CEP350: variants seen among roughly 807,000 people sequenced by gnomAD.
The protein encoded by CEP350 is centrosomal protein 350, also known as centrosome-associated protein 350.
A neutral mutation model predicts 331.8 loss-of-function variants in CEP350; 126 were observed. The observed-to-expected ratio is 0.38, with a 90% CI of 0.33 to 0.44. CEP350 has a LOEUF of 0.44. CEP350 is among the 20% of genes least tolerant of loss of function. CEP350 has a pLI of 1.00. For synonymous variants in CEP350, 1,200 were observed against 1,259.5 expected (o/e 0.95, Z 1.00); for missense variants, 3,406 against 3,634.6 (o/e 0.94, Z 1.62).
intron 1 of CEP350, among the ~76,000 whole-genome samples, chr1:179,965,619 T>C (rs940777118): frequency 2.2e-5 from 3 of 139,506 alleles, no homozygotes; most frequent in African/African-American, 5.2e-5. Context: ...TCTTTTCTTT[T>C]TTTTTTTTTT....
intron 29 of CEP350, among the ~76,000 whole-genome samples, 180 bp from the exon 30 acceptor site, chr1:180,080,337 C>CT (rs141064781): frequency 2.6e-5 from 4 of 151,924 alleles, no homozygotes; most frequent in Admixed American, 1.3e-4. Context: ...AATTTGTAAC[C>CT]TTTTTTTAAA....
chr1:180,089,801 T>C (rs1474297720), intron 32 of CEP350, among the ~76,000 whole-genome samples: 1 of 152,104 alleles, frequency 6.6e-6, no homozygotes, highest in African/African-American at 2.4e-5. Flanking sequence ...GTTATCAGGG[T>C]TAGAAATATG....
chr1:180,092,925 G>C lies in CEP350; in HGVS notation c.6820G>C (p.Ala2274Pro). ...ATTGAAGAAGAGTAAGATTGAAGAT[G>C]CCTTTTCTAAAGAAGGTAAATCTGA... ...TKLKKSKIEDAFSKEGKSDVL... is the reference protein window; with the variant it reads ...TKLKKSKIEDPFSKEGKSDVL... Residue 2274 changes from alanine (A) to proline (P), a missense_variant, in exon 34 of 38, where the codon GCC becomes CCC. Coordinates refer to ENST00000367607, the MANE Select transcript of CEP350 (RefSeq NM_014810.5). The C allele has an allele frequency of 6.3e-7, 1 of 1,582,676 alleles. No individual in the cohort carries two copies. Among genetic ancestry groups the C allele is most frequent in the Non-Finnish European group, 8.6e-7 (1 of 1,162,458 alleles).
chr1:180,055,798 A>G (rs1014322343), intron 25 of CEP350, among the ~76,000 whole-genome samples: 31 of 152,110 alleles, frequency 2.0e-4, no homozygotes, highest in Admixed American at 1.6e-3. Context: ...CGCCATCCTC[A>G]GCCTCCCAAA....
chr1:180,052,007 A>G (rs1657531025), intron 22 of CEP350, among the ~76,000 whole-genome samples: 1 of 152,238 alleles, frequency 6.6e-6, no homozygotes, highest in African/African-American at 2.4e-5. Flanking sequence ...ACTGGATCAT[A>G]GACATAAGTA....
At chr1:180,023,923 A>G (rs1307469166) in intron 13 of CEP350, among the ~76,000 whole-genome samples, 1 of 152,166 alleles carries the variant, frequency 6.6e-6, no homozygotes, top group Non-Finnish European at 1.5e-5. Flanking sequence ...AAGTATAAAA[A>G]TTATATGAGA....
At chr1:179,966,474 A>G (rs1651021542) in intron 1 of CEP350, among the ~76,000 whole-genome samples, 1 of 152,184 alleles carries the variant, frequency 6.6e-6, no homozygotes, top group African/African-American at 2.4e-5. Flanking sequence ...TCAGGTCTTC[A>G]GAAATTAAGG....
At chr1:180,005,536 C>T (rs1315627893) in intron 7 of CEP350, among the ~76,000 whole-genome samples, 1 of 152,164 alleles carries the variant, frequency 6.6e-6, no homozygotes, top group East Asian at 1.9e-4. Flanking sequence ...CTGGTAGTCT[C>T]CTCACTGGTC....
intron 14 of CEP350, among the ~76,000 whole-genome samples, chr1:180,024,789 G>T (rs1655557597): frequency 6.6e-6 from 1 of 152,000 alleles, no homozygotes; most frequent in South Asian, 2.1e-4. Context: ...CATTTGCAAT[G>T]ATAAAAAATT....
At position 179,996,771 on chromosome 1, in the gene CEP350, C is replaced by T. The variant is rs571535933; in HGVS notation, c.614C>T (p.Ala205Val). 2 of 1,613,004 alleles carry T rather than the reference C, an allele frequency of 1.2e-6. No individual in the cohort carries two copies. Among genetic ancestry groups the T allele is most frequent in the African/African-American group, 2.7e-5 (2 of 75,020 alleles). Residue 205 changes from alanine to valine, a missense_variant, in exon 6 of 38, where the codon GCA (alanine) becomes GTA (valine). Ala to Val is a moderately conservative substitution (Grantham distance 64). Around this residue, in one of 5 missense-constraint regions of CEP350, gnomAD observed 1,857 missense variants for 1,909.2 expected, o/e 0.97. Transcript: ENST00000367607. ...RFLNDRPAIDALQNSECLIRM... is the reference protein window; with the variant it reads ...RFLNDRPAIDVLQNSECLIRM... ...TTAAATGATCGACCAGCAATTGATGCATTGCAAAATTCTGAATGTTTGATT... is the reference window on the plus strand; with the variant it reads ...TTAAATGATCGACCAGCAATTGATGTATTGCAAAATTCTGAATGTTTGATT...
chr1:180,092,981 A>T lies in CEP350; in HGVS notation c.6876A>T (p.Gly2292=). 3 of 1,601,374 alleles carry T rather than the reference A, an allele frequency of 1.9e-6. No homozygotes were observed. The highest frequency in any genetic ancestry group is 2.6e-6 in the Non-Finnish European group (3 of 1,172,794). ...DVLLKLVLEQ[G]DSSEILSKKD... is the part of the protein sequence containing the mutation. ...TACTGAAATTAGTCCTAGAACAGGG[A>T]GATTCATCTGAAATTCTTTCAAAGA... The change falls in exon 34 of 38, where the codon GGA becomes GGT. Residue 2292 remains glycine, a synonymous_variant. Transcript: ENST00000367607.
chr1:180,059,614 G>A (rs1658071188), intron 25 of CEP350, among the ~76,000 whole-genome samples: 1 of 148,970 alleles, frequency 6.7e-6, no homozygotes, highest in Non-Finnish European at 1.5e-5. Flanking sequence ...GCACTTGTTT[G>A]AATTGTGAGC....
intron 1 of CEP350, among the ~76,000 whole-genome samples, chr1:179,962,050 T>C (rs1650668343): frequency 6.6e-6 from 1 of 152,104 alleles, no homozygotes; most frequent in Admixed American, 6.5e-5. Context: ...TTTCACCATG[T>C]TGGCCAGGCT....
At chr1:179,986,388 A>G (rs1194365434) in intron 2 of CEP350, 134 bp downstream of exon 2, 7 of 566,442 alleles carry the variant, frequency 1.2e-5, no homozygotes, top group Non-Finnish European at 2.2e-5. Context: ...AAATTCTCTT[A>G]TATTTTAAAT....
intron 1 of CEP350, among the ~76,000 whole-genome samples, chr1:179,960,180 ACC>A (rs1571770677): frequency 1.5e-5 from 2 of 129,468 alleles, no homozygotes; most frequent in South Asian, 3.1e-4. Context: ...ACACACACAC[ACC>A]CACCCACCCA....
chr1:179,985,751 A>G (rs1225514881), intron 1 of CEP350, among the ~76,000 whole-genome samples: 2 of 106,380 alleles, frequency 1.9e-5, no homozygotes, highest in African/African-American at 5.4e-5. Context: ...TGAGAACAGC[A>G]TAGGGGAAAC....
At chr1:180,006,347 C>A in intron 7 of CEP350, 107 bp from the exon 8 acceptor site, 1 of 641,016 alleles carries the variant, frequency 1.6e-6, no homozygotes, top group Non-Finnish European at 2.8e-6. Context: ...AGGTTTCTTT[C>A]TCCCTACCTG....
intron 1 of CEP350, among the ~76,000 whole-genome samples, chr1:179,974,776 G>A (rs1651727779): frequency 6.6e-6 from 1 of 152,156 alleles, no homozygotes; most frequent in Non-Finnish European, 1.5e-5. Flanking sequence ...AGGATTGCTT[G>A]AGGCCAGGAT....
intron 31 of CEP350, 76 bp downstream of exon 31, chr1:180,084,254 A>G: frequency 6.2e-6 from 8 of 1,294,260 alleles, no homozygotes; most frequent in Non-Finnish European, 7.1e-6. Context: ...TAATGTTGTT[A>G]ATAAAGTAAT....
Sources: allele counts gnomAD v4.1 joint callset (sites outside exome capture counted in the v4.1 genomes callset), GRCh38; gene constraint gnomAD v4.1.1; regional missense constraint gnomAD v4.1.1; transcripts MANE v1.5; gene names NCBI Gene and HGNC (gene_info 2026-07-23, HGNC 2026-07-21).